The following KRABD2 variants were observed in gnomAD, a reference collection of about 807,000 sequenced individuals.
KRABD2 encodes KRAB domain-containing protein 2.
At chr17:8,366,791 G>T in the KRABD2 span, among the ~76,000 whole-genome samples, 3 of 151,582 alleles carry the variant, frequency 2.0e-5, no homozygotes, top group African/African-American at 7.3e-5. Flanking sequence ...GCATGATCTC[G>T]GCTCACTGCA....
the KRABD2 span, chr17:8,375,755 G>T: frequency 2.7e-6 from 1 of 377,196 alleles, no homozygotes; most frequent in Non-Finnish European, 3.9e-6. Context: ...CGAGGCTTCA[G>T]TATCTTTTCC....
At chr17:8,367,733 G>A in the KRABD2 span, among the ~76,000 whole-genome samples, 19 of 151,326 alleles carry the variant, frequency 1.3e-4, no homozygotes, top group African/African-American at 4.6e-4. Flanking sequence ...GCGGCCTTCC[G>A]CAGTGTTTGT....
the KRABD2 span, among the ~76,000 whole-genome samples, chr17:8,359,130 C>A: frequency 6.6e-6 from 1 of 152,308 alleles, no homozygotes; most frequent in East Asian, 1.9e-4. Context: ...GAATGCCCCT[C>A]AATCTGGGTT....
the KRABD2 span, among the ~76,000 whole-genome samples, chr17:8,372,950 T>C: frequency 1.7e-4 from 26 of 152,330 alleles, no homozygotes; most frequent in African/African-American, 6.3e-4. This position sits in a 1 kb window ranked among gnomAD's most constrained non-coding sequence, Gnocchi z 4.1. Flanking sequence ...AGAAACAATT[T>C]ATAATCAAAA....
chr17:8,369,607 G>T, the KRABD2 span: 4 of 1,614,210 alleles, frequency 2.5e-6, no homozygotes, highest in Non-Finnish European at 3.4e-6. Context: ...TTGAGCTCAT[G>T]AACAACCTGG....
At chr17:8,361,811 G>A in the KRABD2 span, among the ~76,000 whole-genome samples, 5 of 151,810 alleles carry the variant, frequency 3.3e-5, no homozygotes, top group East Asian at 5.8e-4. Context: ...TGGATTACAG[G>A]CACGAGCCAC....
the KRABD2 span, among the ~76,000 whole-genome samples, chr17:8,366,139 TAATAA>T: frequency 2.9e-4 from 41 of 141,716 alleles, 1 homozygote; most frequent in East Asian, 7.8e-3. Flanking sequence ...AAAAAAAAAA[TAATAA>T]AATAAAAATA....
At chr17:8,363,854 TATATA>T in the KRABD2 span, among the ~76,000 whole-genome samples, 16 of 68,446 alleles carry the variant, frequency 2.3e-4, 1 homozygote, top group East Asian at 6.3e-4. Flanking sequence ...TATATATATA[TATATA>T]TATTTATTTA....
chr17:8,371,697 T>C, the KRABD2 span: 1 of 1,388,414 alleles, frequency 7.2e-7, no homozygotes, highest in Non-Finnish European at 9.3e-7. Flanking sequence ...GCCAGAGCTG[T>C]AGCCCATTTA....
chr17:8,361,405 C>G, the KRABD2 span, among the ~76,000 whole-genome samples: 1 of 152,154 alleles, frequency 6.6e-6, no homozygotes, highest in Admixed American at 6.5e-5. Flanking sequence ...TCTGGCAGTG[C>G]CTAGAGTAGC....
At chr17:8,376,655 A>G in the KRABD2 span, 164 of 985,396 alleles carry the variant, frequency 1.7e-4, no homozygotes, top group African/African-American at 2.6e-3. Flanking sequence ...GACACACCAG[A>G]CGCGGCGTCT....
the KRABD2 span, among the ~76,000 whole-genome samples, chr17:8,374,893 GT>G: frequency 9.7e-5 from 11 of 113,374 alleles, no homozygotes; most frequent in Non-Finnish European, 6.7e-5. Flanking sequence ...AGCCGAGATC[GT>G]GCCTCCGCAC....
the KRABD2 span, among the ~76,000 whole-genome samples, chr17:8,364,118 C>T: frequency 6.6e-6 from 1 of 151,870 alleles, no homozygotes; most frequent in Non-Finnish European, 1.5e-5. This position sits in a 1 kb window ranked among gnomAD's most constrained non-coding sequence, Gnocchi z 4.4. Context: ...ATCCACCCAC[C>T]TTGGCCTTCC....
the KRABD2 span, chr17:8,371,434 G>GGCT: frequency 6.2e-7 from 1 of 1,614,022 alleles, no homozygotes; most frequent in Admixed American, 1.7e-5. Context: ...AAACAACATT[G>GGCT]GCTGCTGCCA....
the KRABD2 span, among the ~76,000 whole-genome samples, chr17:8,374,057 G>A: frequency 7.0e-6 from 1 of 143,604 alleles, no homozygotes; most frequent in South Asian, 2.3e-4. Context: ...GGCAGCCCCC[G>A]CCCGGCCGGC....
the KRABD2 span, among the ~76,000 whole-genome samples, chr17:8,363,840 T>TC: frequency 6.7e-3 from 503 of 75,202 alleles, 16 homozygotes; most frequent in African/African-American, 0.026. Context: ...CATATATATA[T>TC]ATATATATAT....
the KRABD2 span, chr17:8,365,530 T>G: frequency 6.6e-6 from 1 of 152,228 alleles, no homozygotes; most frequent in Admixed American, 6.5e-5. Flanking sequence ...TATGTAATAA[T>G]AATGTGGCTT....
At chr17:8,374,363 C>T in the KRABD2 span, among the ~76,000 whole-genome samples, 4 of 152,126 alleles carry the variant, frequency 2.6e-5, no homozygotes, top group Middle Eastern at 3.2e-3. Flanking sequence ...GCTGTGTCCA[C>T]TCAGGGTTAA....
chr17:8,374,937 C>CAAAAAAAAAAAAAAAAAAAA, the KRABD2 span, among the ~76,000 whole-genome samples: 79 of 46,182 alleles, frequency 1.7e-3, 7 homozygotes, highest in African/African-American at 4.0e-3. Context: ...GACTCTGTCA[C>CAAAAAAAAAAAAAAAAAAAA]AAAAAAAAAA....
Sources: allele counts gnomAD v4.1 joint callset (sites outside exome capture counted in the v4.1 genomes callset), GRCh38; gene constraint gnomAD v4.1.1; non-coding constraint Gnocchi (gnomAD v3.1); transcripts MANE v1.5; gene names NCBI Gene and HGNC (gene_info 2026-07-23, HGNC 2026-07-21).